WNT7B: variants seen among roughly 807,000 people sequenced by gnomAD.
WNT7B encodes protein Wnt-7b.
A neutral mutation model predicts 38.2 loss-of-function variants in WNT7B; 19 were observed. The observed-to-expected ratio is 0.50, with a 90% CI of 0.35 to 0.73. WNT7B has a LOEUF of 0.73. Among genes scored for constraint, WNT7B ranks in the 30% least tolerant of loss-of-function variants. The pLI, the probability that WNT7B is intolerant of heterozygous loss-of-function variation, is 0.01. For synonymous variants in WNT7B, 243 were observed against 209.3 expected, an observed-to-expected ratio of 1.16 and a Z score of -1.39; for missense variants, 423 against 507.9, an observed-to-expected ratio of 0.83 and a Z score of 1.61.
At position 45,975,601 on chromosome 22, in the gene WNT7B, G is replaced by C. The variant is rs1469585046; in HGVS notation, c.71+1083C>G. On this transcript the variant is annotated intron_variant, in intron 1 of 3. Coordinates refer to ENST00000339464, the MANE Select transcript of WNT7B (RefSeq NM_058238.3). This position sits in a 1 kb window ranked among gnomAD's most constrained non-coding sequence, Gnocchi z 6.6. ...GGGTGATGGAGAGACGATTCCCAGCGCCTGCTTCCACCTCTCCGCCTGGGA... is the reference window on the plus strand; with the variant it reads ...GGGTGATGGAGAGACGATTCCCAGCCCCTGCTTCCACCTCTCCGCCTGGGA... 1 of 716,364 alleles carries C rather than the reference G, an allele frequency of 1.4e-6. No individual in the cohort carries two copies. The allele number at this position is 716,364 out of a possible 1,614,324, so 44.4% of individuals were successfully genotyped here.
In WNT7B at chr22:45,922,598, G is replaced by A. The variant is rs1393747929; in HGVS notation, c.*258C>T. On this transcript the variant is annotated 3_prime_UTR_variant, in exon 4 of 4. Coordinates refer to ENST00000339464, the MANE Select transcript of WNT7B (RefSeq NM_058238.3). ...GCCGGGCCCCGTCGGGGAGCACCAA[G>A]ACCCCTGGCCTTGCTCTCTGGGTGG... 2 of 533,090 alleles carry A rather than the reference G, an allele frequency of 3.8e-6. No individual in the cohort carries two copies. The highest frequency in any genetic ancestry group is 6.5e-6 in the Non-Finnish European group (2 of 307,878). 33.0% of individuals were successfully genotyped at this position (533,090 alleles called of 1,614,324 possible).
intron 2 of WNT7B, among the ~76,000 whole-genome samples, chr22:45,934,731 G>A (rs903916467): frequency 6.6e-6 from 1 of 152,192 alleles, no homozygotes; most frequent in Admixed American, 6.5e-5. Context: ...CCTGCCCCAG[G>A]CTCAGACTCA....
At chr22:45,962,088 C>T (rs960756378) in intron 1 of WNT7B, among the ~76,000 whole-genome samples, 7 of 142,946 alleles carry the variant, frequency 4.9e-5, no homozygotes, top group African/African-American at 1.8e-4. Flanking sequence ...CCCCACATAG[C>T]TGGCATTCCT....
intron 3 of WNT7B, chr22:45,926,293 G>A (rs1023332777): frequency 2.0e-6 from 2 of 985,432 alleles, no homozygotes; most frequent in Non-Finnish European, 2.4e-6. Context: ...CACCTGGCAG[G>A]GCACAGAGTG....
chr22:45,926,952 G>A (rs1020305292), intron 3 of WNT7B: 45 of 985,340 alleles, frequency 4.6e-5, no homozygotes, highest in African/African-American at 1.7e-4. Context: ...GTGCCAAGAC[G>A]TGGGACATGG....
chr22:45,942,651 A>T (rs1244439518), intron 2 of WNT7B, among the ~76,000 whole-genome samples: 2 of 152,208 alleles, frequency 1.3e-5, no homozygotes, highest in Non-Finnish European at 2.9e-5. Context: ...CCCTGCACCT[A>T]ATTCTGCGGC....
intron 2 of WNT7B, among the ~76,000 whole-genome samples, chr22:45,942,166 G>T (rs1432877251): frequency 6.6e-6 from 1 of 152,162 alleles, no homozygotes; most frequent in Non-Finnish European, 1.5e-5. Flanking sequence ...AGACACCCCC[G>T]GGCCACATCC....
intron 1 of WNT7B, chr22:45,972,116 G>GGGGGGGGGGGCCCCCCCCC: frequency 5.7e-6 from 3 of 530,738 alleles, no homozygotes; most frequent in Non-Finnish European, 3.3e-6. Context: ...CCCGGGGGGA[G>GGGGGGGGGGGCCCCCCCCC]CCCACCCGCC....
At chr22:45,926,939 G>T in intron 3 of WNT7B, 2 of 985,462 alleles carry the variant, frequency 2.0e-6, no homozygotes, top group South Asian at 4.7e-5. Flanking sequence ...TCAGGGAAGG[G>T]CTGTGCCAAG....
intron 1 of WNT7B, among the ~76,000 whole-genome samples, chr22:45,956,618 C>T (rs1419344844): frequency 6.6e-6 from 1 of 152,236 alleles, no homozygotes; most frequent in Non-Finnish European, 1.5e-5. Flanking sequence ...CAAGGATACG[C>T]ACATGGGTCT....
At chr22:45,923,861 G>A (rs1043584764) in intron 3 of WNT7B, among the ~76,000 whole-genome samples, 6 of 152,164 alleles carry the variant, frequency 3.9e-5, no homozygotes, top group African/African-American at 7.2e-5. Context: ...GGCCCTCGGC[G>A]CACGTTGCCC....
chr22:45,967,938 A>T (rs1028082521), intron 1 of WNT7B, among the ~76,000 whole-genome samples: 1 of 151,796 alleles, frequency 6.6e-6, no homozygotes, highest in African/African-American at 2.4e-5. Context: ...GCATAGGGGG[A>T]GCTTCCCTTC....
chr22:45,973,414 A>T (rs976480772), intron 1 of WNT7B, among the ~76,000 whole-genome samples: 1 of 152,088 alleles, frequency 6.6e-6, no homozygotes, highest in Non-Finnish European at 1.5e-5. Context: ...GAGGAAGAGG[A>T]TTTTCTAACT....
At chr22:45,961,272 C>T (rs189676189) in intron 1 of WNT7B, among the ~76,000 whole-genome samples, 9 of 152,274 alleles carry the variant, frequency 5.9e-5, no homozygotes, top group Middle Eastern at 3.4e-3. Context: ...CCAGGAGTTC[C>T]GCCCGGCCAC....
At chr22:45,929,246 G>A (rs772695278) in intron 3 of WNT7B, among the ~76,000 whole-genome samples, 5 of 152,290 alleles carry the variant, frequency 3.3e-5, no homozygotes, top group East Asian at 1.9e-4. Context: ...CTCAAGGTTC[G>A]TAGGCCTCCT....
chr22:45,933,045 C>T (rs903239360), intron 2 of WNT7B, among the ~76,000 whole-genome samples: 7 of 152,202 alleles, frequency 4.6e-5, no homozygotes, highest in East Asian at 1.9e-4. Flanking sequence ...CTTCCTTGCC[C>T]GCAGCCTGCT....
In WNT7B at chr22:45,975,420, G is replaced by A; in HGVS notation, c.71+1264C>T. 1.6e-6 allele frequency: 1 copy of A among 628,142 alleles called. No homozygotes were observed. The highest frequency in any genetic ancestry group is 3.0e-6 in the Non-Finnish European group (1 of 336,848). The allele number at this position is 628,142 out of a possible 1,614,324, so 38.9% of individuals were successfully genotyped here. ...CTACCCACAGACCTATGATAAACGG[G>A]GCTACCGGCAGCCGCAGACACGCCC... On this transcript the variant is annotated intron_variant, in intron 1 of 3. Coordinates refer to ENST00000339464, the MANE Select transcript of WNT7B (RefSeq NM_058238.3). The surrounding 1 kb of genome is among the most constrained non-coding windows in gnomAD (Gnocchi z 6.6).
At chr22:45,943,174 C>T (rs1197807449) in intron 2 of WNT7B, among the ~76,000 whole-genome samples, 1 of 152,190 alleles carries the variant, frequency 6.6e-6, no homozygotes, top group East Asian at 1.9e-4. Flanking sequence ...CCCCCTGTTT[C>T]TCCCTCTCCC....
intron 1 of WNT7B, among the ~76,000 whole-genome samples, chr22:45,959,326 A>G (rs1295883231): frequency 6.6e-6 from 1 of 152,112 alleles, no homozygotes; most frequent in African/African-American, 2.4e-5. Flanking sequence ...TTGCACCCCC[A>G]CTTCACATAG....
Sources: gnomAD v4.1 joint callset for allele counts (sites outside exome capture counted in the v4.1 genomes callset) on GRCh38, gnomAD v4.1.1 for gene constraint, Gnocchi (gnomAD v3.1) non-coding constraint, MANE v1.5 for transcripts, NCBI Gene and HGNC (gene_info 2026-07-23, HGNC 2026-07-21) for gene names.